Variants in KRT73 observed in about 807,000 individuals in gnomAD.
The protein encoded by KRT73 is keratin, type II cytoskeletal 73.
In KRT73, 44 loss-of-function variants were observed where a neutral mutation model predicts 47.2. That is an observed-to-expected ratio of 0.93 (90% CI 0.73 to 1.20). KRT73 has a LOEUF of 1.20. KRT73 is among the 50% of genes most tolerant of loss of function. KRT73 has a pLI of 0.00. For missense variants in KRT73, 713 were observed against 704.5 expected, an observed-to-expected ratio of 1.01 and a Z score of -0.14; for synonymous variants, 285 against 291.3, an observed-to-expected ratio of 0.98 and a Z score of 0.22.
intron 4 of KRT73, chr12:52,614,340 G>C: frequency 2.1e-6 from 1 of 469,696 alleles, no homozygotes; most frequent in Admixed American, 3.8e-5. Context: ...AAGTTCAGTG[G>C]GAACCCTTTA....
chr12:52,616,264 GC>G lies in KRT73; in HGVS notation c.563del (p.Ser188ThrfsTer15). Reference protein sequence around the residue: ...NLEPILEGYISNLRKQLETLS... With the variant: ...NLEPILEGYIXNLRKQLETLS... ...GCGTCTCCAGCTGCTTCCGCAGGTT[GC>G]TGATGTAGCCCTCAAGGATGGGCTC... On this transcript the variant is annotated frameshift_variant, in exon 2 of 9. Coordinates refer to ENST00000305748, the MANE Select transcript of KRT73 (RefSeq NM_175068.3). LOFTEE classifies it high-confidence loss of function. 6.2e-7 allele frequency: 1 copy of G among 1,614,186 alleles called. No individual in the cohort carries two copies. Among genetic ancestry groups the G allele is most frequent in the South Asian group, 1.1e-5 (1 of 91,064 alleles).
At chr12:52,623,953 G>A in the KRT73 span, among the ~76,000 whole-genome samples, 1 of 151,782 alleles carries the variant, frequency 6.6e-6, no homozygotes, top group Non-Finnish European at 1.5e-5. Flanking sequence ...AATTTAAATG[G>A]CAGCTTAAGC....
chr12:52,610,668 G>A lies in KRT73; in HGVS notation c.1278C>T (p.Ser426=), dbSNP rs1411470988. The part of the protein sequence containing the change: ...EYQELLSVKL[S]LDIEIATYRK... ...GGTAGGTGGCGATCTCAATATCCAG[G>A]GACAGCTTCACGCTCAAAAGCTCTT... The change falls in exon 7 of 9, where the codon TCC becomes TCT. Residue 426 remains serine, a synonymous_variant. Coordinates refer to ENST00000305748, the MANE Select transcript of KRT73 (RefSeq NM_175068.3). The A allele has an allele frequency of 1.2e-6, 2 of 1,613,506 alleles. No individual in the cohort carries two copies. Among genetic ancestry groups the A allele is most frequent in the African/African-American group, 1.3e-5 (1 of 74,716 alleles).
intron 1 of KRT73, among the ~76,000 whole-genome samples, chr12:52,617,735 TC>T (rs1388950435): frequency 6.6e-6 from 1 of 152,162 alleles, no homozygotes; most frequent in East Asian, 1.9e-4. Context: ...TGCTGGCTCC[TC>T]TCACCCCTCC....
chr12:52,609,361 GA>G, intron 7 of KRT73, 80 bp from the exon 8 acceptor site: 2 of 1,229,956 alleles, frequency 1.6e-6, no homozygotes, highest in Non-Finnish European at 2.4e-6. Flanking sequence ...ACAGGCTGGG[GA>G]TCCCCAGCCA....
At position 52,607,608 on chromosome 12, in the gene KRT73, G is replaced by A. The variant is rs1438389974; in HGVS notation, c.*588C>T. The stretch of plus-strand genomic sequence containing the variant: ...TTTATTGGTAAGACACAGGAGCAGG[G>A]AGGTGAGGCCTAAACAAGGACAAGT... On this transcript the variant is annotated 3_prime_UTR_variant, in exon 9 of 9. Coordinates refer to ENST00000305748, the MANE Select transcript of KRT73 (RefSeq NM_175068.3). The A allele has an allele frequency of 2.6e-5, 4 of 152,328 alleles. No individual in the cohort carries two copies. Among genetic ancestry groups the A allele is most frequent in the African/African-American group, 7.2e-5 (3 of 41,452 alleles). 9.4% of individuals were successfully genotyped at this position (152,328 alleles called of 1,614,324 possible). A position where few individuals can be genotyped will look rare whatever the true frequency, so the allele number is the denominator to read the frequency against.
At chr12:52,613,482 G>T (rs2120868571) in intron 5 of KRT73, 1 of 886,702 alleles carries the variant, frequency 1.1e-6, no homozygotes, top group South Asian at 1.9e-5. Context: ...ACTCAGCTGA[G>T]TGCATCCTCC....
intron 5 of KRT73, chr12:52,612,607 G>A (rs1436800085): frequency 6.6e-6 from 1 of 152,218 alleles, no homozygotes. Flanking sequence ...GGCTGTGTGA[G>A]CAGGATGCCT....
chr12:52,624,913 C>G, the KRT73 span, among the ~76,000 whole-genome samples: 1 of 151,848 alleles, frequency 6.6e-6, no homozygotes, highest in African/African-American at 2.4e-5. Flanking sequence ...ACAAATGATG[C>G]TGAAGTAATT....
At chr12:52,630,060 C>G in the KRT73 span, among the ~76,000 whole-genome samples, 1 of 152,168 alleles carries the variant, frequency 6.6e-6, no homozygotes. Flanking sequence ...CAGGGAAATC[C>G]CCACCCTTTT....
chr12:52,609,328 A>G (rs757067251), intron 7 of KRT73, 47 bp from the exon 8 acceptor site: 14 of 1,543,352 alleles, frequency 9.1e-6, no homozygotes, highest in Non-Finnish European at 1.2e-5. Flanking sequence ...GTGGACTCCC[A>G]TAGTGGCCCT....
In KRT73 at chr12:52,608,472, G is replaced by A. The variant is rs115689769; in HGVS notation, c.1367-20C>T. ...TGACCGCTGCAGAGGAGGGAGGGAC[G>A]AGTGATCAGTGTATATCCCAGGACA... On this transcript the variant is annotated intron_variant, in intron 8 of 8. Transcript: ENST00000305748. The A allele has an allele frequency of 2.0e-3, 3,143 of 1,595,180 alleles. 60 individuals carry two copies. In the African/African-American group the frequency reaches 0.035, roughly 18 times the overall value.
upstream of KRT73, among the ~76,000 whole-genome samples, chr12:52,620,138 C>T (rs1170698867): frequency 7.7e-5 from 7 of 91,178 alleles, no homozygotes; most frequent in East Asian, 2.0e-3. Flanking sequence ...TTTGAGATGG[C>T]GTTTCACTCT....
At chr12:52,626,673 G>A in the KRT73 span, among the ~76,000 whole-genome samples, 7 of 152,262 alleles carry the variant, frequency 4.6e-5, no homozygotes, top group Admixed American at 6.5e-5. Context: ...GATAAGGGGC[G>A]GGGTGGGGAG....
upstream of KRT73, among the ~76,000 whole-genome samples, chr12:52,622,521 G>A (rs760339360): frequency 5.1e-4 from 77 of 152,196 alleles, no homozygotes; most frequent in Non-Finnish European, 1.0e-3. Context: ...CACGGAACTG[G>A]AGGGCAGTGG....
intron 1 of KRT73, among the ~76,000 whole-genome samples, chr12:52,617,458 G>T (rs1009161903): frequency 6.6e-6 from 1 of 152,194 alleles, no homozygotes; most frequent in Non-Finnish European, 1.5e-5. Context: ...CGTTGCTGCT[G>T]CTGGTTCCAG....
At chr12:52,618,702 G>T, upstream of KRT73, 2 of 639,718 alleles carry the variant, frequency 3.1e-6, no homozygotes, top group Non-Finnish European at 5.2e-6. Flanking sequence ...CAGACACCAG[G>T]TAAATGACTT....
At chr12:52,609,823 A>C (rs1940656764) in intron 7 of KRT73, 2 of 153,078 alleles carry the variant, frequency 1.3e-5, no homozygotes, top group African/African-American at 4.8e-5. Flanking sequence ...TTTACGACAA[A>C]AGTGCATTTC....
At chr12:52,616,020 T>A in intron 2 of KRT73, 146 bp downstream of exon 2, 1 of 922,514 alleles carries the variant, frequency 1.1e-6, no homozygotes, top group Non-Finnish European at 1.6e-6. Flanking sequence ...GTCCACTGTC[T>A]AGTCTGCCTC....
Sources: gnomAD v4.1 joint callset for allele counts (sites outside exome capture counted in the v4.1 genomes callset) on GRCh38, gnomAD v4.1.1 for gene constraint, MANE v1.5 for transcripts, NCBI Gene and HGNC (gene_info 2026-07-23, HGNC 2026-07-21) for gene names.